SNX25: variants seen among roughly 807,000 people sequenced by gnomAD.
SNX25 encodes sorting nexin-25.
In SNX25, 62 loss-of-function variants were observed where a neutral mutation model predicts 113.7. The observed-to-expected ratio is 0.55, with a 90% CI of 0.44 to 0.67. The LOEUF (loss-of-function observed/expected upper bound fraction) is 0.67. SNX25 is among the 30% of genes least tolerant of loss of function. SNX25 has a pLI of 0.00. For missense variants in SNX25, 1,014 were observed against 1,161.0 expected, an observed-to-expected ratio of 0.87 and a Z score of 1.84; for synonymous variants, 421 against 436.2, an observed-to-expected ratio of 0.97 and a Z score of 0.43.
At chr4:185,282,568 T>C (rs150783782) in intron 5 of SNX25, among the ~76,000 whole-genome samples, 13 of 152,282 alleles carry the variant, frequency 8.5e-5, no homozygotes, top group African/African-American at 2.6e-4. Context: ...AAACTTGCTC[T>C]TTTTATTTAG....
At chr4:185,290,711 A>G (rs1046633605) in intron 6 of SNX25, among the ~76,000 whole-genome samples, 7 of 152,208 alleles carry the variant, frequency 4.6e-5, no homozygotes, top group Non-Finnish European at 1.0e-4. Context: ...TTGAATTTTA[A>G]TTATAACTGA....
At chr4:185,233,857 T>TTAC (rs895660996) in intron 1 of SNX25, among the ~76,000 whole-genome samples, 32 of 63,394 alleles carry the variant, frequency 5.0e-4, no homozygotes, top group Non-Finnish European at 1.6e-3. Flanking sequence ...AACTTAAGTG[T>TTAC]TATTATTATT....
At chr4:185,348,681 G>A (rs1419150104) in intron 13 of SNX25, among the ~76,000 whole-genome samples, 2 of 152,148 alleles carry the variant, frequency 1.3e-5, no homozygotes, top group African/African-American at 2.4e-5. Context: ...ACAGGTGTGC[G>A]CCACTGTGCC....
Position 185,311,233 on chromosome 4 carries a change from A to C in SNX25, c.1344+417A>C, listed in dbSNP as rs140734617. ...CAATATTATGAAATTTCTACTTGATATCTTCATTGATGAAATGGTGGGTTT... is the reference window on the plus strand; with the variant it reads ...CAATATTATGAAATTTCTACTTGATCTCTTCATTGATGAAATGGTGGGTTT... On this transcript the variant is annotated intron_variant, in intron 7 of 18. Coordinates refer to ENST00000652585, the MANE Select transcript of SNX25 (RefSeq NM_001378034.2). Among the ~76,000 whole-genome samples the C allele has an allele frequency of 7.2e-5, 11 of 152,352 alleles. 1 individual carries two copies. The highest frequency in any genetic ancestry group is 2.6e-4 in the African/African-American group (11 of 41,592).
At chr4:185,295,427 C>CA (rs1424700340) in intron 6 of SNX25, among the ~76,000 whole-genome samples, 1 of 149,818 alleles carries the variant, frequency 6.7e-6, no homozygotes, top group African/African-American at 2.4e-5. Flanking sequence ...AGTTTTGTTC[C>CA]ATATAAAGAT....
the SNX25 span, chr4:185,377,984 T>C: frequency 1.0e-6 from 1 of 998,556 alleles, no homozygotes; most frequent in Non-Finnish European, 1.5e-6. Flanking sequence ...TTCCTTGAAA[T>C]CAATAAAACA....
downstream of SNX25, among the ~76,000 whole-genome samples, chr4:185,368,854 C>T (rs1005692801): frequency 6.8e-6 from 1 of 147,750 alleles, no homozygotes; most frequent in African/African-American, 2.5e-5. Context: ...AGTGCAGCGG[C>T]ACAGCCTCGG....
chr4:185,260,061 GA>G (rs1747068399), intron 3 of SNX25, among the ~76,000 whole-genome samples: 1 of 152,138 alleles, frequency 6.6e-6, no homozygotes, highest in Non-Finnish European at 1.5e-5. Flanking sequence ...CCCGCTGTGA[GA>G]AATTCACTTG....
intron 1 of SNX25, among the ~76,000 whole-genome samples, chr4:185,236,064 G>A (rs1351389906): frequency 2.6e-5 from 4 of 152,124 alleles, no homozygotes; most frequent in African/African-American, 9.7e-5. Context: ...ATCTAAGGTC[G>A]GTTTCCGGGC....
chr4:185,218,707 C>T (rs1415161579), intron 1 of SNX25, among the ~76,000 whole-genome samples: 1 of 152,194 alleles, frequency 6.6e-6, no homozygotes, highest in Non-Finnish European at 1.5e-5. Flanking sequence ...TAGGATAAGA[C>T]ACATAACTTG....
At chr4:185,375,787 C>T in the SNX25 span, 2 of 1,095,872 alleles carry the variant, frequency 1.8e-6, no homozygotes, top group Non-Finnish European at 2.7e-6. Context: ...ATCCCAAAGG[C>T]ACCAAGTGGT....
At chr4:185,229,782 G>A (rs1358313336) in intron 1 of SNX25, among the ~76,000 whole-genome samples, 1 of 152,152 alleles carries the variant, frequency 6.6e-6, no homozygotes, top group African/African-American at 2.4e-5. Context: ...CCTCTACATA[G>A]TGTAGACCAT....
Position 185,362,177 on chromosome 4 carries a change from A to G in SNX25, c.2833+72A>G, listed in dbSNP as rs1356152580. The G allele has an allele frequency of 8.9e-6, 13 of 1,462,086 alleles. No homozygotes were observed. In the East Asian group the frequency reaches 2.5e-4, roughly 28 times the overall value. 90.6% of individuals were successfully genotyped at this position (1,462,086 alleles called of 1,614,324 possible). ...TGTGAACCCCACTGAGGTGATTTTC[A>G]TTTATGTCTTGCAGGAAACATTCTT... is the stretch of plus-strand genomic sequence containing the variant. On this transcript the variant is annotated intron_variant, in intron 17 of 18. Transcript: ENST00000652585.
chr4:185,245,075 T>G (rs780576654), intron 1 of SNX25, among the ~76,000 whole-genome samples: 1 of 152,120 alleles, frequency 6.6e-6, no homozygotes, highest in Non-Finnish European at 1.5e-5. Flanking sequence ...AACCGTAACA[T>G]TAGCCTTTTA....
Position 185,342,197 on chromosome 4 carries a change from ATCT to A in SNX25, c.2187+87_2187+89del, listed in dbSNP as rs989447128. On this transcript the variant is annotated intron_variant, in intron 12 of 18. Coordinates refer to ENST00000652585, the MANE Select transcript of SNX25 (RefSeq NM_001378034.2). ...ATTTTACACATAAGAAAGCTGATTA[ATCT>A]TCTTCCTTTGCTGTTGATACTGGCA... 20 of 1,393,576 alleles carry A rather than the reference ATCT, an allele frequency of 1.4e-5. No homozygotes were observed. In the African/African-American group the frequency reaches 2.5e-4, roughly 17 times the overall value. 86.3% of individuals were successfully genotyped at this position (1,393,576 alleles called of 1,614,324 possible). A position where few individuals can be genotyped will look rare whatever the true frequency, so the allele number is the denominator to read the frequency against.
At chr4:185,356,038 A>T (rs182494664) in intron 15 of SNX25, among the ~76,000 whole-genome samples, 16 of 152,210 alleles carry the variant, frequency 1.1e-4, no homozygotes, top group African/African-American at 3.6e-4. Context: ...AATAAATAGA[A>T]CCTCATATAT....
intron 5 of SNX25, among the ~76,000 whole-genome samples, chr4:185,276,572 GC>G (rs896680118): frequency 6.6e-6 from 1 of 152,194 alleles, no homozygotes; most frequent in Admixed American, 6.5e-5. Context: ...CAACCTCAGA[GC>G]CAGGTGTCAT....
intron 6 of SNX25, among the ~76,000 whole-genome samples, chr4:185,306,086 T>TCACG: frequency 6.6e-6 from 1 of 152,306 alleles, no homozygotes; most frequent in African/African-American, 2.4e-5. Flanking sequence ...ATGAGCTGGG[T>TCACG]CACGGGGTGT....
intron 1 of SNX25, among the ~76,000 whole-genome samples, chr4:185,215,097 C>CGGG (rs1037512864): frequency 6.6e-5 from 10 of 151,980 alleles, no homozygotes; most frequent in Non-Finnish European, 1.5e-4. Flanking sequence ...GGGCGTGGTG[C>CGGG]GGGCGCCTGT....
Sources: allele counts gnomAD v4.1 joint callset (sites outside exome capture counted in the v4.1 genomes callset), GRCh38; gene constraint gnomAD v4.1.1; transcripts MANE v1.5; gene names NCBI Gene and HGNC (gene_info 2026-07-23, HGNC 2026-07-21).